The following ST3GAL3 variants were observed in gnomAD, a reference collection of about 807,000 sequenced individuals.
The protein encoded by ST3GAL3 is CMP-N-acetylneuraminate-beta-1,4-galactoside alpha-2,3-sialyltransferase.
ST3GAL3 carries 21 observed loss-of-function variants against 50.1 expected under a neutral mutation model. The observed-to-expected ratio is 0.42, with a 90% CI of 0.30 to 0.60. The LOEUF is 0.60. Among genes scored for constraint, ST3GAL3 ranks in the 20% least tolerant of loss-of-function variants. ST3GAL3 has a pLI of 0.19. For synonymous variants in ST3GAL3, 183 were observed against 190.0 expected (o/e 0.96, Z 0.30); for missense variants, 353 against 489.4 (o/e 0.72, Z 2.63).
chr1:43,860,919 G>A (rs949848936), intron 5 of ST3GAL3, among the ~76,000 whole-genome samples: 1 of 152,218 alleles, frequency 6.6e-6, no homozygotes, highest in Non-Finnish European at 1.5e-5. Flanking sequence ...TGGTCTTACT[G>A]TACTTAGACT....
At chr1:43,915,938 G>C (rs1368383777) in intron 9 of ST3GAL3, among the ~76,000 whole-genome samples, 1 of 152,188 alleles carries the variant, frequency 6.6e-6, no homozygotes, top group South Asian at 2.1e-4. Context: ...GGCCAACATG[G>C]TGAAACCCCA....
Position 43,838,260 on chromosome 1 carries a change from G to A in ST3GAL3, c.251G>A (p.Gly84Glu), listed in dbSNP as rs1461836458. The A allele has an allele frequency of 9.9e-6, 16 of 1,614,024 alleles. No individual in the cohort carries two copies. The highest frequency in any genetic ancestry group is 1.3e-5 in the Non-Finnish European group (15 of 1,179,966). ...LATKYANFSE[G>E]ACKPGYASAL... ...ACCAAGTACGCAAACTTTTCAGAGG[G>A]AGCTTGCAAGCCTGGCTATGCTTCA... The change falls in exon 5 of 12, where the codon GGA (glycine) becomes GAA (glutamate). Residue 84 changes from glycine to glutamate, a missense_variant. Transcript: ENST00000347631.
chr1:43,882,568 C>A (rs1459913551), intron 5 of ST3GAL3, among the ~76,000 whole-genome samples: 2 of 152,168 alleles, frequency 1.3e-5, no homozygotes, highest in Non-Finnish European at 2.9e-5. Flanking sequence ...GTCTTCCTCC[C>A]TGCAGCCATA....
intron 1 of ST3GAL3, among the ~76,000 whole-genome samples, chr1:43,718,636 G>A (rs1353198688): frequency 7.2e-6 from 1 of 139,728 alleles, no homozygotes; most frequent in Non-Finnish European, 1.6e-5. Flanking sequence ...TTGAGTTAAA[G>A]GTGTTTAAAG....
intron 2 of ST3GAL3, among the ~76,000 whole-genome samples, chr1:43,755,732 G>C (rs1050275197): frequency 6.6e-6 from 1 of 152,100 alleles, no homozygotes; most frequent in African/African-American, 2.4e-5. Flanking sequence ...GTTTCACTTA[G>C]GTAAATTAGA....
Position 43,930,396 on chromosome 1 carries a change from C to T in ST3GAL3, c.*175C>T, listed in dbSNP as rs921824873. ...CTCAGCAGCCAGTCTCAGAGACCAG[C>T]ACTCAGCCTCATTCAGCATGGGTCC... On this transcript the variant is annotated 3_prime_UTR_variant, in exon 12 of 12. Coordinates refer to ENST00000347631, the MANE Select transcript of ST3GAL3 (RefSeq NM_006279.5). 8.8e-6 allele frequency: 6 copies of T among 682,680 alleles called. No individual in the cohort carries two copies. Among genetic ancestry groups the T allele is most frequent in the Admixed American group, 2.1e-5 (1 of 47,204 alleles). The allele number at this position is 682,680 out of a possible 1,614,324, so 42.3% of individuals were successfully genotyped here. A position where few individuals can be genotyped will look rare whatever the true frequency, so the allele number is the denominator to read the frequency against.
chr1:43,889,738 TAA>T (rs2076447806), intron 5 of ST3GAL3, among the ~76,000 whole-genome samples: 2 of 152,190 alleles, frequency 1.3e-5, no homozygotes, highest in African/African-American at 4.8e-5. Context: ...GATATCAGCT[TAA>T]AAGAGATACA....
At chr1:43,758,357 C>A (rs1688915914) in intron 2 of ST3GAL3, among the ~76,000 whole-genome samples, 1 of 152,050 alleles carries the variant, frequency 6.6e-6, no homozygotes. Context: ...CTCAGGCAAT[C>A]CTCCCACCTC....
At chr1:43,762,570 CGGCA>C (rs944909397) in intron 2 of ST3GAL3, among the ~76,000 whole-genome samples, 1 of 152,088 alleles carries the variant, frequency 6.6e-6, no homozygotes, top group Non-Finnish European at 1.5e-5. Flanking sequence ...TGTTGCTTGG[CGGCA>C]TCCCCTTAAA....
chr1:43,849,368 G>A (rs560628985), intron 5 of ST3GAL3, among the ~76,000 whole-genome samples: 2 of 151,616 alleles, frequency 1.3e-5, no homozygotes, highest in African/African-American at 4.8e-5. Flanking sequence ...AGCTCTTTTT[G>A]ATGTGTTAAT....
chr1:43,713,512 A>C (rs1048271709), intron 1 of ST3GAL3, among the ~76,000 whole-genome samples: 2 of 147,420 alleles, frequency 1.4e-5, no homozygotes, highest in Non-Finnish European at 3.0e-5. Context: ...AAAGATGCCA[A>C]CGTTGTGGGA....
chr1:43,907,961 C>T (rs894985684), intron 9 of ST3GAL3, among the ~76,000 whole-genome samples: 1 of 152,222 alleles, frequency 6.6e-6, no homozygotes, highest in Non-Finnish European at 1.5e-5. Flanking sequence ...GCCACTCTCA[C>T]CTGGCAGTGA....
chr1:43,884,382 G>A (rs530078578), intron 5 of ST3GAL3, among the ~76,000 whole-genome samples: 127 of 152,304 alleles, frequency 8.3e-4, no homozygotes, highest in Admixed American at 1.6e-3. Context: ...CATTCAAGTG[G>A]TCAGCAAGGG....
chr1:43,736,884 G>T, intron 2 of ST3GAL3: 1 of 229,772 alleles, frequency 4.4e-6, no homozygotes, highest in Non-Finnish European at 8.7e-6. Flanking sequence ...ACTTGCACCT[G>T]GCTACAATAA....
At chr1:43,782,648 A>G (rs1699740139) in intron 2 of ST3GAL3, among the ~76,000 whole-genome samples, 1 of 152,196 alleles carries the variant, frequency 6.6e-6, no homozygotes, top group African/African-American at 2.4e-5. Flanking sequence ...TGCTGATGAT[A>G]AAAACACTAA....
At chr1:43,858,357 C>T in intron 5 of ST3GAL3, 1 of 1,221,458 alleles carries the variant, frequency 8.2e-7, no homozygotes, top group Non-Finnish European at 1.0e-6. Flanking sequence ...GCAGCTTCCT[C>T]CTTTGCAGAC....
chr1:43,846,275 C>A (rs145892128), intron 5 of ST3GAL3, among the ~76,000 whole-genome samples: 26 of 152,238 alleles, frequency 1.7e-4, no homozygotes, highest in Middle Eastern at 6.8e-3. Flanking sequence ...GAAGCTCTGT[C>A]ATTTGGTGTG....
intron 3 of ST3GAL3, among the ~76,000 whole-genome samples, chr1:43,810,125 C>T (rs1218708108): frequency 6.6e-6 from 1 of 151,900 alleles, no homozygotes; most frequent in Non-Finnish European, 1.5e-5. Context: ...GTTATTGGAG[C>T]CCCTAAAAGA....
At chr1:43,855,553 T>G (rs1183283142) in intron 5 of ST3GAL3, among the ~76,000 whole-genome samples, 1 of 149,090 alleles carries the variant, frequency 6.7e-6, no homozygotes, top group Non-Finnish European at 1.5e-5. Context: ...GAGGTTATAG[T>G]GAGCCGAGAT....
Sources: allele counts gnomAD v4.1 joint callset (sites outside exome capture counted in the v4.1 genomes callset), GRCh38; gene constraint gnomAD v4.1.1; transcripts MANE v1.5; gene names NCBI Gene and HGNC (gene_info 2026-07-23, HGNC 2026-07-21).